Variants in ZNF385D observed in about 807,000 individuals in gnomAD.
ZNF385D encodes zinc finger protein 659.
A neutral mutation model predicts 35.8 loss-of-function variants in ZNF385D; 15 were observed. That is an observed-to-expected ratio of 0.42 (90% CI 0.28 to 0.64). ZNF385D has a LOEUF of 0.64. Among genes scored for constraint, ZNF385D ranks in the 30% least tolerant of loss-of-function variants. ZNF385D has a pLI of 0.23. For synonymous variants in ZNF385D, 212 were observed against 186.8 expected (o/e 1.13, Z -1.10); for missense variants, 474 against 494.6 (o/e 0.96, Z 0.39).
chr3:21,635,976 T>A (rs2065419369), intron 2 of ZNF385D, among the ~76,000 whole-genome samples: 1 of 152,164 alleles, frequency 6.6e-6, no homozygotes, highest in Non-Finnish European at 1.5e-5. Context: ...GCATTTGGGC[T>A]GGTTCCATAT....
intron 3 of ZNF385D, among the ~76,000 whole-genome samples, chr3:21,908,637 A>G (rs562840353): frequency 6.6e-6 from 1 of 152,204 alleles, no homozygotes; most frequent in South Asian, 2.1e-4. Flanking sequence ...GTAAGTCAGG[A>G]CTTTTAAAAT....
At chr3:21,664,487 C>T (rs942180619) in intron 2 of ZNF385D, among the ~76,000 whole-genome samples, 2 of 152,066 alleles carry the variant, frequency 1.3e-5, no homozygotes, top group Non-Finnish European at 2.9e-5. Flanking sequence ...GTTAGAAAAA[C>T]GTAACAGATT....
chr3:22,239,125 T>C (rs557971954), intron 2 of ZNF385D, among the ~76,000 whole-genome samples: 1 of 151,156 alleles, frequency 6.6e-6, no homozygotes, highest in East Asian at 2.0e-4. Flanking sequence ...AAGACAAAAA[T>C]ATATGATAAC....
At chr3:21,997,003 GTTAT>G (rs1695504072) in intron 3 of ZNF385D, among the ~76,000 whole-genome samples, 1 of 151,808 alleles carries the variant, frequency 6.6e-6, no homozygotes, top group Admixed American at 6.6e-5. Flanking sequence ...TTAAACCAAT[GTTAT>G]TTAAACTTTA....
chr3:21,997,292 G>C (rs967255541), intron 3 of ZNF385D, among the ~76,000 whole-genome samples: 3 of 152,178 alleles, frequency 2.0e-5, no homozygotes, highest in African/African-American at 7.2e-5. Context: ...GGTGGGAATT[G>C]AACAATGAGA....
At chr3:21,458,117 T>A (rs920650393) in intron 4 of ZNF385D, among the ~76,000 whole-genome samples, 1 of 151,940 alleles carries the variant, frequency 6.6e-6, no homozygotes, top group Non-Finnish European at 1.5e-5. Flanking sequence ...GTAGAAGAAT[T>A]TAAACTCCCA....
At chr3:21,952,358 A>G (rs557497998) in intron 3 of ZNF385D, among the ~76,000 whole-genome samples, 1 of 152,126 alleles carries the variant, frequency 6.6e-6, no homozygotes, top group Admixed American at 6.6e-5. Context: ...ATTTTAAAAC[A>G]CATTTTGAAT....
At chr3:21,478,555 A>C (rs1704394853) in intron 4 of ZNF385D, among the ~76,000 whole-genome samples, 1 of 152,230 alleles carries the variant, frequency 6.6e-6, no homozygotes, top group Non-Finnish European at 1.5e-5. Context: ...TTGTTACTGT[A>C]AGCCACTGAG....
At chr3:21,921,579 AT>A (rs972677792) in intron 3 of ZNF385D, among the ~76,000 whole-genome samples, 4 of 152,232 alleles carry the variant, frequency 2.6e-5, no homozygotes, top group African/African-American at 9.6e-5. Flanking sequence ...AAAAGGCAGG[AT>A]TTTTTATTTA....
chr3:22,127,496 C>T (rs1452956860), intron 3 of ZNF385D, among the ~76,000 whole-genome samples: 1 of 151,586 alleles, frequency 6.6e-6, no homozygotes, highest in African/African-American at 2.4e-5. Flanking sequence ...CCTGCCACCA[C>T]ACCCAGTTAA....
chr3:21,488,079 A>T (rs1031782949), intron 4 of ZNF385D, among the ~76,000 whole-genome samples: 2 of 151,886 alleles, frequency 1.3e-5, no homozygotes, highest in Non-Finnish European at 2.9e-5. Context: ...ACATCGTCAC[A>T]CTCTTTCCTG....
chr3:22,119,118 C>G lies in ZNF385D; in HGVS notation c.325+49699G>C, dbSNP rs549580602. 4.7e-4 allele frequency among the ~76,000 whole-genome samples: 72 copies of G among 152,176 alleles called. 1 individual carries two copies. Among genetic ancestry groups the G allele is most frequent in the Middle Eastern group, 3.4e-3 (1 of 292 alleles). On this transcript the variant is annotated intron_variant, in intron 3 of 5. Transcript: ENST00000494108. ...GGGGCTACAAAGCCCAGGGATAGGA[C>G]GTCCTGTGGTGCTGCCAAGAATACC...
intron 1 of ZNF385D, among the ~76,000 whole-genome samples, chr3:21,699,149 T>C (rs1185639183): frequency 6.6e-6 from 1 of 152,216 alleles, no homozygotes; most frequent in African/African-American, 2.4e-5. Flanking sequence ...CATGGAATAC[T>C]ATGTAGCCAT....
chr3:21,660,017 C>G (rs150833596), intron 2 of ZNF385D, among the ~76,000 whole-genome samples: 1 of 152,196 alleles, frequency 6.6e-6, no homozygotes, highest in Non-Finnish European at 1.5e-5. Context: ...ACTTGTTGAT[C>G]AAAACCCAAC....
chr3:22,142,863 A>T (rs17010875), intron 3 of ZNF385D, among the ~76,000 whole-genome samples: 2,680 of 152,136 alleles, frequency 0.018, 62 homozygotes, highest in African/African-American at 0.061. Flanking sequence ...GGTTCCAAAA[A>T]GTTCTCTCCT....
intron 7 of ZNF385D, 93 bp downstream of exon 7, chr3:21,423,870 C>T (rs41285063): frequency 2.6e-6 from 3 of 1,154,452 alleles, no homozygotes; most frequent in Non-Finnish European, 3.8e-6. Context: ...AGGTACTGGG[C>T]TGTGGTTAAA....
chr3:21,729,384 A>G (rs1448020652), intron 1 of ZNF385D, among the ~76,000 whole-genome samples: 1 of 152,136 alleles, frequency 6.6e-6, no homozygotes, highest in African/African-American at 2.4e-5. Flanking sequence ...AGCAACATTT[A>G]TTTTATAACC....
At chr3:22,108,335 C>T (rs1382368739) in intron 3 of ZNF385D, among the ~76,000 whole-genome samples, 1 of 151,762 alleles carries the variant, frequency 6.6e-6, no homozygotes, top group African/African-American at 2.4e-5. Flanking sequence ...TTTATTAACA[C>T]AGAAACTATA....
intron 2 of ZNF385D, among the ~76,000 whole-genome samples, chr3:22,188,098 G>C (rs1011857675): frequency 2.0e-5 from 3 of 152,134 alleles, no homozygotes; most frequent in Non-Finnish European, 2.9e-5. Context: ...GGAAAGATGG[G>C]AAAGGAAGAG....
Sources: allele counts gnomAD v4.1 joint callset (sites outside exome capture counted in the v4.1 genomes callset), GRCh38; gene constraint gnomAD v4.1.1; transcripts MANE v1.5; gene names NCBI Gene and HGNC (gene_info 2026-07-23, HGNC 2026-07-21).